Variants in BCL2L14 observed in about 807,000 individuals in gnomAD.
The protein encoded by BCL2L14 is apoptosis facilitator Bcl-2-like protein 14.
In BCL2L14, 27 loss-of-function variants were observed where a neutral mutation model predicts 35.3. That is an observed-to-expected ratio of 0.76 (90% CI 0.56 to 1.05). The LOEUF is 1.05. BCL2L14 is among the 50% of genes least tolerant of loss of function. BCL2L14 has a pLI of 0.00. For missense variants in BCL2L14, 377 were observed against 382.6 expected, an observed-to-expected ratio of 0.99 and a Z score of 0.12; for synonymous variants, 139 against 145.9, an observed-to-expected ratio of 0.95 and a Z score of 0.34.
intron 2 of BCL2L14, among the ~76,000 whole-genome samples, chr12:12,054,094 G>C (rs1235260171): frequency 6.6e-6 from 1 of 152,134 alleles, no homozygotes; most frequent in East Asian, 1.9e-4. Context: ...GTATTTGTTT[G>C]TTTAATGTAA....
chr12:12,082,393 T>C (rs1401129605), intron 2 of BCL2L14, among the ~76,000 whole-genome samples: 5 of 152,232 alleles, frequency 3.3e-5, no homozygotes, highest in African/African-American at 9.6e-5. Flanking sequence ...ATCTGGGCTC[T>C]GGGGCAAAGA....
At position 12,088,587 on chromosome 12, in the gene BCL2L14, T is replaced by C. The variant is rs151247567; in HGVS notation, c.607+1201T>C. ...GCTCAATTTTACAGGCTACTCTTTG[T>C]TAGAAAAGAAAATGATTTGGGGCTG... On this transcript the variant is annotated intron_variant, in intron 3 of 5. Coordinates refer to ENST00000308721, the MANE Select transcript of BCL2L14 (RefSeq NM_138723.2). Among the ~76,000 whole-genome samples the C allele has an allele frequency of 1.9e-3, 286 of 152,320 alleles. 3 individuals are homozygous for C. Among genetic ancestry groups the C allele is most frequent in the African/African-American group, 6.7e-3 (278 of 41,572 alleles).
chr12:12,058,914 A>G (rs1283640535), intron 2 of BCL2L14, among the ~76,000 whole-genome samples: 1 of 152,074 alleles, frequency 6.6e-6, no homozygotes, highest in African/African-American at 2.4e-5. Flanking sequence ...GAAACATCTC[A>G]CCAATTTCAA....
intron 5 of BCL2L14, among the ~76,000 whole-genome samples, chr12:12,096,439 A>T (rs1319478274): frequency 1.4e-5 from 2 of 140,956 alleles, no homozygotes; most frequent in African/African-American, 5.1e-5. Context: ...ATGTGAAAAA[A>T]AAAAAAAAAC....
chr12:12,057,134 C>A (rs553970957), intron 2 of BCL2L14, among the ~76,000 whole-genome samples: 1 of 151,896 alleles, frequency 6.6e-6, no homozygotes, highest in Non-Finnish European at 1.5e-5. Context: ...TAAGAAATAC[C>A]GAAATAAATT....
intron 2 of BCL2L14, among the ~76,000 whole-genome samples, chr12:12,065,928 T>C (rs1352955052): frequency 1.3e-5 from 2 of 152,018 alleles, no homozygotes; most frequent in Non-Finnish European, 2.9e-5. Context: ...GTAGCTGAGA[T>C]TACAGGCACC....
chr12:12,090,708 A>G, intron 3 of BCL2L14, 71 bp from the exon 4 acceptor site: 1 of 1,264,798 alleles, frequency 7.9e-7, no homozygotes, highest in Non-Finnish European at 1.1e-6. Flanking sequence ...ACAAGCATTC[A>G]TTGTCCCTGG....
intron 1 of BCL2L14, among the ~76,000 whole-genome samples, chr12:12,050,217 T>C (rs943317137): frequency 9.2e-5 from 14 of 151,610 alleles, no homozygotes; most frequent in Non-Finnish European, 1.9e-4. Context: ...GAGGTGGGGT[T>C]CAATAGGAGG....
chr12:12,095,104 C>T, intron 5 of BCL2L14, 174 bp downstream of exon 5: 1 of 984,808 alleles, frequency 1.0e-6, no homozygotes, highest in Non-Finnish European at 1.2e-6. Flanking sequence ...TAGTGATTAT[C>T]TTCATCATCA....
intron 2 of BCL2L14, 45 bp from the exon 3 acceptor site, chr12:12,087,168 G>C: frequency 6.3e-7 from 1 of 1,595,312 alleles, no homozygotes; most frequent in Non-Finnish European, 8.6e-7. Context: ...TGAGCCAGAT[G>C]AAGTTCTGGG....
intron 1 of BCL2L14, among the ~76,000 whole-genome samples, chr12:12,077,239 C>A (rs1191666422): frequency 1.3e-5 from 2 of 152,092 alleles, no homozygotes; most frequent in Non-Finnish European, 1.5e-5. Context: ...TTATTAAGAG[C>A]CATATTAAGA....
At chr12:12,066,780 G>C (rs1183489823), upstream of BCL2L14, among the ~76,000 whole-genome samples, 6 of 148,496 alleles carry the variant, frequency 4.0e-5, no homozygotes, top group Middle Eastern at 3.6e-3. Context: ...GCGCAATCTC[G>C]GCTCACTGCA....
chr12:12,063,563 G>A (rs1006529711), intron 2 of BCL2L14, among the ~76,000 whole-genome samples: 2 of 151,890 alleles, frequency 1.3e-5, no homozygotes, highest in East Asian at 1.9e-4. Flanking sequence ...AATCCCACTC[G>A]AAGCAGCCCT....
At chr12:12,096,697 T>C (rs1949319392) in intron 5 of BCL2L14, among the ~76,000 whole-genome samples, 1 of 152,192 alleles carries the variant, frequency 6.6e-6, no homozygotes, top group South Asian at 2.1e-4. Flanking sequence ...TTGAGCTCTA[T>C]CCACTACAGT....
At chr12:12,095,038 T>A in intron 5 of BCL2L14, 108 bp downstream of exon 5, 5 of 1,469,166 alleles carry the variant, frequency 3.4e-6, no homozygotes, top group Non-Finnish European at 4.5e-6. Context: ...GCAGTTCTCA[T>A]GAGTTTAGGA....
upstream of BCL2L14, among the ~76,000 whole-genome samples, chr12:12,067,960 G>T (rs147544453): frequency 9.4e-3 from 1,432 of 152,042 alleles, 23 homozygotes; most frequent in Middle Eastern, 0.014. Flanking sequence ...TTGAGACAGG[G>T]TCTGGCTCTG....
In BCL2L14 at chr12:12,058,036, C is replaced by A. The variant is rs141465715; in HGVS notation, c.-272+6189C>A. ...CATCTTGGCTCACTGCAACCTCCCC[C>A]TCCTGTGTTCAAGCAATTCTTTTGC... On this transcript the variant is annotated intron_variant, in intron 2 of 3. Transcript: ENST00000461264. 2.6e-5 allele frequency among the ~76,000 whole-genome samples: 4 copies of A among 151,222 alleles called. No individual in the cohort carries two copies. In the East Asian group the frequency reaches 5.9e-4, roughly 22 times the overall value.
At chr12:12,075,427 TTC>T (rs1948759730) in intron 1 of BCL2L14, among the ~76,000 whole-genome samples, 1 of 134,598 alleles carries the variant, frequency 7.4e-6, no homozygotes, top group Non-Finnish European at 1.6e-5. Flanking sequence ...CTTTCTTTCT[TTC>T]TTTCTTTTTT....
At chr12:12,065,792 C>G (rs1246701873) in intron 2 of BCL2L14, among the ~76,000 whole-genome samples, 1 of 148,838 alleles carries the variant, frequency 6.7e-6, no homozygotes, top group African/African-American at 2.5e-5. Flanking sequence ...CTCTTTGTTT[C>G]TATTTTTTTT....
Sources: allele counts gnomAD v4.1 joint callset (sites outside exome capture counted in the v4.1 genomes callset), GRCh38; gene constraint gnomAD v4.1.1; transcripts MANE v1.5; gene names NCBI Gene and HGNC (gene_info 2026-07-23, HGNC 2026-07-21).